The following CSGALNACT1 variants were observed in gnomAD, a reference collection of about 807,000 sequenced individuals.
CSGALNACT1 encodes beta4GalNAcT-1.
Under a neutral mutation model 51.0 loss-of-function variants are expected in CSGALNACT1, and 52 were observed. The observed-to-expected ratio is 1.02, with a 90% confidence interval of 0.82 to 1.29. CSGALNACT1 has a LOEUF of 1.29. Ranked by LOEUF, CSGALNACT1 falls within the 50% of genes most tolerant of loss-of-function variation. CSGALNACT1 has a pLI of 0.00. For missense variants in CSGALNACT1, 935 were observed against 679.2 expected, an observed-to-expected ratio of 1.38 and a Z score of -4.19; for synonymous variants, 341 against 254.4, an observed-to-expected ratio of 1.34 and a Z score of -3.24.
At chr8:19,444,265 G>A (rs1368154710) in intron 5 of CSGALNACT1, among the ~76,000 whole-genome samples, 1 of 152,300 alleles carries the variant, frequency 6.6e-6, no homozygotes, top group Non-Finnish European at 1.5e-5. Context: ...CAATGTAAAT[G>A]CTATGTAAAG....
At chr8:19,717,675 A>C (rs1247204269) in intron 1 of CSGALNACT1, among the ~76,000 whole-genome samples, 1 of 152,304 alleles carries the variant, frequency 6.6e-6, no homozygotes, top group East Asian at 1.9e-4. Flanking sequence ...CACTGCCCTG[A>C]GCTCCTGAAT....
chr8:19,642,806 G>A (rs1333757863), intron 1 of CSGALNACT1, among the ~76,000 whole-genome samples: 2 of 151,106 alleles, frequency 1.3e-5, no homozygotes, highest in Admixed American at 6.6e-5. Context: ...AAAAAAAATG[G>A]CTGTGGTGGG....
At chr8:19,470,871 G>A (rs572365677) in intron 4 of CSGALNACT1, among the ~76,000 whole-genome samples, 24 of 152,222 alleles carry the variant, frequency 1.6e-4, no homozygotes, top group African/African-American at 2.2e-4. Context: ...TGAGGTGGGC[G>A]GATCACCTGA....
intron 3 of CSGALNACT1, among the ~76,000 whole-genome samples, chr8:19,532,814 A>G (rs1032721833): frequency 6.6e-6 from 1 of 151,424 alleles, no homozygotes; most frequent in Non-Finnish European, 1.5e-5. Context: ...CTAGATTCAG[A>G]TCCATCTACA....
chr8:19,457,080 G>C (rs1320134797), intron 5 of CSGALNACT1, among the ~76,000 whole-genome samples: 4 of 152,164 alleles, frequency 2.6e-5, no homozygotes, highest in Non-Finnish European at 5.9e-5. Flanking sequence ...CAGCTTCCTG[G>C]TGCACACACA....
At chr8:19,502,134 T>A (rs1272430368) in intron 4 of CSGALNACT1, among the ~76,000 whole-genome samples, 1 of 152,190 alleles carries the variant, frequency 6.6e-6, no homozygotes, top group Admixed American at 6.5e-5. Flanking sequence ...AAGTAACATA[T>A]CTGATTGCTT....
At chr8:19,694,513 G>A (rs1025776483) in intron 1 of CSGALNACT1, among the ~76,000 whole-genome samples, 3 of 152,256 alleles carry the variant, frequency 2.0e-5, no homozygotes, top group African/African-American at 7.2e-5. Context: ...CAGTGTTGCT[G>A]ACTTAGGATT....
intron 3 of CSGALNACT1, among the ~76,000 whole-genome samples, chr8:19,565,824 T>G: frequency 6.6e-6 from 1 of 152,190 alleles, no homozygotes; most frequent in Non-Finnish European, 1.5e-5. Flanking sequence ...GGCAGCAGAA[T>G]CGCTTGAACC....
At chr8:19,537,642 C>G (rs565977256) in intron 3 of CSGALNACT1, among the ~76,000 whole-genome samples, 1 of 152,248 alleles carries the variant, frequency 6.6e-6, no homozygotes, top group East Asian at 1.9e-4. Flanking sequence ...AAATAAAGCT[C>G]CCCTTTCCAA....
intron 1 of CSGALNACT1, among the ~76,000 whole-genome samples, chr8:19,708,242 T>G (rs1455673291): frequency 6.6e-6 from 1 of 152,174 alleles, no homozygotes; most frequent in Non-Finnish European, 1.5e-5. Context: ...TGCAAAGAAA[T>G]GTGCACAGCA....
At chr8:19,619,254 G>T (rs999731173) in intron 1 of CSGALNACT1, among the ~76,000 whole-genome samples, 29 of 147,534 alleles carry the variant, frequency 2.0e-4, no homozygotes, top group African/African-American at 5.6e-4. Context: ...GGGTCGGGGG[G>T]GGGTGGGCCT....
intron 4 of CSGALNACT1, among the ~76,000 whole-genome samples, chr8:19,463,939 C>G (rs1365120358): frequency 6.6e-6 from 1 of 152,180 alleles, no homozygotes; most frequent in Non-Finnish European, 1.5e-5. Flanking sequence ...AGGCCAGGAG[C>G]TAACCAGGTG....
chr8:19,588,899 A>G (rs567395928), intron 3 of CSGALNACT1, among the ~76,000 whole-genome samples: 14 of 152,058 alleles, frequency 9.2e-5, no homozygotes, highest in Non-Finnish European at 1.8e-4. Context: ...ACTGGATTGG[A>G]GCCTGACACA....
chr8:19,583,316 G>C (rs973319840), intron 3 of CSGALNACT1, among the ~76,000 whole-genome samples: 2 of 152,038 alleles, frequency 1.3e-5, no homozygotes, highest in African/African-American at 4.8e-5. Flanking sequence ...GTACATCTTT[G>C]AGTTATTCTC....
chr8:19,508,726 C>A (rs2077848636), intron 3 of CSGALNACT1, among the ~76,000 whole-genome samples: 1 of 152,214 alleles, frequency 6.6e-6, no homozygotes, highest in Admixed American at 6.5e-5. Context: ...GTAGTCAACA[C>A]ATTTTGTTGT....
intron 4 of CSGALNACT1, among the ~76,000 whole-genome samples, chr8:19,480,309 A>G (rs186203993): frequency 3.9e-5 from 6 of 152,146 alleles, no homozygotes; most frequent in Non-Finnish European, 7.4e-5. Flanking sequence ...GTTGCCCTCT[A>G]TGTGTCCATG....
chr8:19,738,755 C>T (rs2064137756), intron 1 of CSGALNACT1, among the ~76,000 whole-genome samples: 1 of 152,086 alleles, frequency 6.6e-6, no homozygotes, highest in Non-Finnish European at 1.5e-5. Context: ...CCATAAGACA[C>T]TGTGCAGCGA....
rs2073561498 is a variant in CSGALNACT1 at position 19,488,390 on chromosome 8, T to TATACATATATATATATATATAC, written c.634+16810_634+16811insGTATATATATATATATATGTAT. On this transcript the variant is annotated intron_variant, in intron 4 of 9. Transcript: ENST00000454498. ...ATATACATATATATATATATATATA[T>TATACATATATATATATATATAC]ATATATATATATATATATATATATA... 6.4e-5 allele frequency among the ~76,000 whole-genome samples: 4 copies of TATACATATATATATATATATAC among 62,542 alleles called. No individual in the cohort carries two copies. The South Asian group carries it at 1.8e-3, about 28-fold the overall frequency. 41.0% of individuals were successfully genotyped at this position (62,542 alleles called of 152,430 possible).
chr8:19,406,048 T>C (rs1045718996), exon 10 of CSGALNACT1: 1 of 1,613,998 alleles, frequency 6.2e-7, no homozygotes, highest in Non-Finnish European at 8.5e-7. Context: ...GCCCCAGCCT[T>C]TGATGTCCAG....
Sources: gnomAD v4.1 joint callset for allele counts (sites outside exome capture counted in the v4.1 genomes callset) on GRCh38, gnomAD v4.1.1 for gene constraint, MANE v1.5 for transcripts, NCBI Gene and HGNC (gene_info 2026-07-23, HGNC 2026-07-21) for gene names.